Variants in KCNJ6 observed in about 807,000 individuals in gnomAD.
KCNJ6 encodes the protein potassium inwardly rectifying channel subfamily J member 6, also known as G protein-activated inward rectifier potassium channel 2.
A neutral mutation model predicts 34.2 loss-of-function variants in KCNJ6; 9 were observed. The ratio of observed to expected loss-of-function variants is 0.26; its 90% CI spans 0.16 to 0.46. The LOEUF (loss-of-function observed/expected upper bound fraction) is 0.46, where lower values mean the gene tolerates loss of function less well. Among genes scored for constraint, KCNJ6 ranks in the 20% least tolerant of loss-of-function variants. KCNJ6 has a pLI of 1.00. For missense variants in KCNJ6, 236 were observed against 531.3 expected (o/e 0.44, Z 5.46); for synonymous variants, 196 against 207.1 (o/e 0.95, Z 0.46).
chr21:37,798,694 T>G (rs567025300), intron 2 of KCNJ6, among the ~76,000 whole-genome samples: 92 of 152,278 alleles, frequency 6.0e-4, no homozygotes, highest in African/African-American at 2.1e-3. Context: ...GTGATTCCAT[T>G]CATAATAGGG....
chr21:37,649,544 GT>G (rs2123385911), intron 3 of KCNJ6, among the ~76,000 whole-genome samples: 1 of 152,330 alleles, frequency 6.6e-6, no homozygotes, highest in African/African-American at 2.4e-5. Context: ...AGGAGAGTTT[GT>G]TTGCAAGAGG....
chr21:37,670,478 G>A (rs1361062535), intron 3 of KCNJ6, among the ~76,000 whole-genome samples: 2 of 152,086 alleles, frequency 1.3e-5, no homozygotes, highest in African/African-American at 4.8e-5. Context: ...ATAATATTAA[G>A]CCTGGGCTGA....
Position 37,758,951 on chromosome 21 carries a change from C to G in KCNJ6, c.26-43820G>C, listed in dbSNP as rs180724070. Reference sequence around the variant, plus strand: ...TTCCCGGCCTTAGATATTTTACAGGCGAGGAAACTGAGGATTAGAGATCAC... The same window carrying G: ...TTCCCGGCCTTAGATATTTTACAGGGGAGGAAACTGAGGATTAGAGATCAC... On this transcript the variant is annotated intron_variant, in intron 2 of 3. Coordinates refer to ENST00000609713, the MANE Select transcript of KCNJ6 (RefSeq NM_002240.5). Among the ~76,000 whole-genome samples the G allele has an allele frequency of 1.8e-3, 278 of 152,246 alleles. 1 individual carries two copies. The highest frequency in any genetic ancestry group is 6.4e-3 in the African/African-American group (266 of 41,538).
chr21:37,768,972 G>GTTC (rs1348938472), intron 2 of KCNJ6, among the ~76,000 whole-genome samples: 8 of 152,214 alleles, frequency 5.3e-5, no homozygotes, highest in African/African-American at 1.9e-4. Flanking sequence ...GTGTTTAGGA[G>GTTC]AAAGTACCAA....
intron 3 of KCNJ6, among the ~76,000 whole-genome samples, chr21:37,709,649 G>C (rs1167713581): frequency 6.6e-6 from 1 of 152,232 alleles, no homozygotes; most frequent in Admixed American, 6.5e-5. Context: ...ACCATTGGTG[G>C]CTGTGGCTTT....
At chr21:37,662,608 C>A (rs917307070) in intron 3 of KCNJ6, among the ~76,000 whole-genome samples, 1 of 152,246 alleles carries the variant, frequency 6.6e-6, no homozygotes, top group Middle Eastern at 3.4e-3. Flanking sequence ...GATTTATATT[C>A]CTTTAGGTAT....
intron 2 of KCNJ6, among the ~76,000 whole-genome samples, chr21:37,823,120 G>A (rs981724022): frequency 2.6e-5 from 4 of 152,062 alleles, no homozygotes; most frequent in African/African-American, 9.7e-5. Flanking sequence ...GAGAGAGATG[G>A]CAGGCAGGCC....
At chr21:37,736,483 T>C (rs2054913782) in intron 2 of KCNJ6, among the ~76,000 whole-genome samples, 1 of 152,210 alleles carries the variant, frequency 6.6e-6, no homozygotes, top group Non-Finnish European at 1.5e-5. Flanking sequence ...TGCACTCTTG[T>C]AAATGGTTAA....
At chr21:37,870,689 A>G (rs1169600110) in intron 1 of KCNJ6, among the ~76,000 whole-genome samples, 4 of 152,186 alleles carry the variant, frequency 2.6e-5, no homozygotes, top group Admixed American at 1.3e-4. Context: ...ATGTATGCCC[A>G]AATGGTCTGG....
intron 2 of KCNJ6, among the ~76,000 whole-genome samples, chr21:37,819,102 C>A (rs905813170): frequency 6.6e-6 from 1 of 152,186 alleles, no homozygotes; most frequent in African/African-American, 2.4e-5. Context: ...TCACACTAGA[C>A]AAGCTGGATA....
chr21:37,861,572 T>C (rs1200294626), intron 1 of KCNJ6, among the ~76,000 whole-genome samples: 3 of 152,112 alleles, frequency 2.0e-5, no homozygotes, highest in Admixed American at 6.6e-5. Flanking sequence ...TCTGGAGAAG[T>C]AGGGTTGCGA....
chr21:37,915,246 A>G (rs945625703), intron 1 of KCNJ6, among the ~76,000 whole-genome samples: 5 of 152,302 alleles, frequency 3.3e-5, no homozygotes, highest in Middle Eastern at 3.4e-3. Context: ...CATTTTATCT[A>G]AAGTGTTTTT....
chr21:37,759,930 C>A (rs1289736024), intron 2 of KCNJ6, among the ~76,000 whole-genome samples: 1 of 152,180 alleles, frequency 6.6e-6, no homozygotes, highest in Non-Finnish European at 1.5e-5. Context: ...GTCTTTTGGA[C>A]TGCTCTCCCC....
intron 2 of KCNJ6, among the ~76,000 whole-genome samples, chr21:37,782,656 T>C (rs1481169325): frequency 6.6e-6 from 1 of 152,092 alleles, no homozygotes; most frequent in Non-Finnish European, 1.5e-5. Flanking sequence ...CAACAGAAAA[T>C]CTGTATTGCT....
chr21:37,907,996 G>C, intron 1 of KCNJ6, among the ~76,000 whole-genome samples: 1 of 152,186 alleles, frequency 6.6e-6, no homozygotes, highest in East Asian at 1.9e-4. Context: ...CTTTGGAATG[G>C]CAAGATATTT....
At chr21:37,730,935 T>G (rs554154677) in intron 2 of KCNJ6, among the ~76,000 whole-genome samples, 23 of 152,378 alleles carry the variant, frequency 1.5e-4, no homozygotes, top group African/African-American at 5.5e-4. Flanking sequence ...GGGGGAGTAT[T>G]GACCCGTCTT....
intron 1 of KCNJ6, among the ~76,000 whole-genome samples, chr21:37,882,614 T>TAA (rs1175122003): frequency 1.6e-4 from 24 of 152,200 alleles, no homozygotes; most frequent in African/African-American, 5.5e-4. Context: ...CCTCATGGTT[T>TAA]ATAGAAAACA....
chr21:37,712,148 G>A (rs2054756285), intron 3 of KCNJ6, among the ~76,000 whole-genome samples: 1 of 152,180 alleles, frequency 6.6e-6, no homozygotes, highest in African/African-American at 2.4e-5. Context: ...GGAACACAAA[G>A]CTTAACTCCC....
chr21:37,804,560 T>C (rs2055284440), intron 2 of KCNJ6, among the ~76,000 whole-genome samples: 1 of 152,148 alleles, frequency 6.6e-6, no homozygotes, highest in Admixed American at 6.5e-5. Flanking sequence ...TTTTTCCTGA[T>C]CTTCTCCCTC....
Sources: gnomAD v4.1 joint callset for allele counts (sites outside exome capture counted in the v4.1 genomes callset) on GRCh38, gnomAD v4.1.1 for gene constraint, MANE v1.5 for transcripts, NCBI Gene and HGNC (gene_info 2026-07-23, HGNC 2026-07-21) for gene names.